The following NAALADL2 variants were observed in gnomAD, a reference collection of about 807,000 sequenced individuals.
NAALADL2 encodes the protein N-acetylated alpha-linked acidic dipeptidase like 2.
A neutral mutation model predicts 87.2 loss-of-function variants in NAALADL2; 76 were observed. That is an observed-to-expected ratio of 0.87 (90% CI 0.72 to 1.05). NAALADL2 has a LOEUF of 1.05. NAALADL2 is among the 50% of genes least tolerant of loss of function. The pLI is 0.00. For synonymous variants in NAALADL2, 354 were observed against 331.0 expected (o/e 1.07, Z -0.75); for missense variants, 1,089 against 945.8 (o/e 1.15, Z -1.99).
intron 9 of NAALADL2, among the ~76,000 whole-genome samples, chr3:175,480,317 G>A (rs1726269789): frequency 6.6e-6 from 1 of 151,668 alleles, no homozygotes; most frequent in African/African-American, 2.4e-5. Context: ...TTCTGAGACT[G>A]TATAACCACA....
At chr3:174,478,074 C>T (rs902513040) in intron 1 of NAALADL2, among the ~76,000 whole-genome samples, 19 of 152,104 alleles carry the variant, frequency 1.2e-4, no homozygotes, top group Non-Finnish European at 2.4e-4. Flanking sequence ...TATGGCTTAT[C>T]ATTTTCCATT....
intron 5 of NAALADL2, among the ~76,000 whole-genome samples, chr3:175,405,827 G>A (rs1226775388): frequency 3.9e-5 from 6 of 152,066 alleles, no homozygotes; most frequent in African/African-American, 1.4e-4. Flanking sequence ...AATTAACTTC[G>A]TTTTAATATT....
chr3:175,796,672 T>G lies in NAALADL2; in HGVS notation c.2190-6333T>G, dbSNP rs571760971. Among the ~76,000 whole-genome samples, 24 of 152,324 alleles carry G rather than the reference T, an allele frequency of 1.6e-4. 1 individual carries two copies. The South Asian group carries it at 4.8e-3, about 30-fold the overall frequency. On this transcript the variant is annotated intron_variant, in intron 13 of 13. Transcript: ENST00000454872. The stretch of plus-strand genomic sequence containing the variant: ...AGAAATAGCAACAATTGTATGAAAT[T>G]TAGCTGAACTTTTCTCTCTGCATTC...
chr3:175,254,701 C>A (rs1373463367), intron 3 of NAALADL2, among the ~76,000 whole-genome samples: 2 of 152,086 alleles, frequency 1.3e-5, no homozygotes, highest in Non-Finnish European at 2.9e-5. Flanking sequence ...CTCACTTTTG[C>A]AATGTAATCA....
rs971706914 is a variant in NAALADL2 at position 175,718,649 on chromosome 3, G to T, written c.1897-18657G>T. 124 of 1,583,850 alleles carry T rather than the reference G, an allele frequency of 7.8e-5. No homozygotes were observed. In the Middle Eastern group the frequency reaches 8.3e-4, roughly 11 times the overall value. On this transcript the variant is annotated intron_variant, in intron 11 of 13. Coordinates refer to ENST00000454872, the MANE Select transcript of NAALADL2 (RefSeq NM_207015.3). ...GAAATTGCGAGGGACTTTTACTCCC[G>T]AGCCCGTGGTGGCTGCCATCTTGCG...
At chr3:175,324,028 C>CAAAAAAAAAAAAAAAAAAAAAAAA (rs372517580) in intron 4 of NAALADL2, 147 bp from the exon 5 acceptor site, 18 of 436,786 alleles carry the variant, frequency 4.1e-5, no homozygotes, top group Admixed American at 5.2e-5. Flanking sequence ...AAAAAACAAA[C>CAAAAAAAAAAAAAAAAAAAAAAAA]AAAAAAAAAA....
Position 175,160,363 on chromosome 3 carries a change from T to TC in NAALADL2, c.545+63072_545+63073insC, listed in dbSNP as rs1386722954. ...ATTATATGTGTATCTTTTCTTTCTT[T>TC]TTTTTTTTTTTTTTTTTTTTTTTTT... is the stretch of plus-strand genomic sequence containing the variant. On this transcript the variant is annotated intron_variant, in intron 2 of 13. Transcript: ENST00000454872. Among the ~76,000 whole-genome samples the TC allele has an allele frequency of 6.9e-5, 8 of 116,150 alleles. No homozygotes were observed. The East Asian group carries it at 9.6e-4, about 14-fold the overall frequency. 76.2% of individuals were successfully genotyped at this position (116,150 alleles called of 152,430 possible). A position where few individuals can be genotyped will look rare whatever the true frequency, so the allele number is the denominator to read the frequency against.
At chr3:175,453,507 G>A (rs1721882594) in intron 6 of NAALADL2, among the ~76,000 whole-genome samples, 1 of 152,144 alleles carries the variant, frequency 6.6e-6, no homozygotes, top group South Asian at 2.1e-4. Flanking sequence ...GCTCTTTAGA[G>A]TTTCATTCAA....
At chr3:174,656,164 G>A (rs1306221194) in intron 2 of NAALADL2, among the ~76,000 whole-genome samples, 2 of 152,152 alleles carry the variant, frequency 1.3e-5, no homozygotes, top group Non-Finnish European at 2.9e-5. Context: ...GGCTACTGGA[G>A]GAAGAACTAC....
intron 2 of NAALADL2, among the ~76,000 whole-genome samples, chr3:174,645,452 T>C (rs1318256477): frequency 6.6e-6 from 1 of 152,098 alleles, no homozygotes; most frequent in Non-Finnish European, 1.5e-5. Context: ...TTGCTCAGAG[T>C]TGTATATTAA....
At chr3:175,534,366 GCAAGGAAAGCC>G (rs1348395619) in intron 9 of NAALADL2, among the ~76,000 whole-genome samples, 1 of 152,156 alleles carries the variant, frequency 6.6e-6, no homozygotes, top group Non-Finnish European at 1.5e-5. Context: ...AAGCTAAGGA[GCAAGGAAAGCC>G]CATCCTAACT....
At chr3:175,603,811 G>A (rs1723281998) in intron 10 of NAALADL2, among the ~76,000 whole-genome samples, 2 of 151,730 alleles carry the variant, frequency 1.3e-5, no homozygotes, top group African/African-American at 4.9e-5. Flanking sequence ...GGGTAACATG[G>A]CAAGACCCCA....
chr3:174,701,623 C>A (rs1560155472), intron 2 of NAALADL2, among the ~76,000 whole-genome samples: 1 of 152,026 alleles, frequency 6.6e-6, no homozygotes. Context: ...CCTTTCTAAT[C>A]CCAGGTTACT....
intron 1 of NAALADL2, among the ~76,000 whole-genome samples, chr3:175,037,743 T>G (rs1354771316): frequency 6.6e-6 from 1 of 152,106 alleles, no homozygotes; most frequent in Non-Finnish European, 1.5e-5. Context: ...TAGACTGCAT[T>G]CTGGTATACA....
intron 1 of NAALADL2, among the ~76,000 whole-genome samples, chr3:174,891,936 A>T (rs1730906940): frequency 6.6e-6 from 1 of 151,978 alleles, no homozygotes; most frequent in Non-Finnish European, 1.5e-5. Flanking sequence ...AGTAGGGAGG[A>T]CTTTGTCCTG....
At chr3:175,134,562 A>AT (rs1431410188) in intron 2 of NAALADL2, among the ~76,000 whole-genome samples, 6 of 152,128 alleles carry the variant, frequency 3.9e-5, no homozygotes, top group Non-Finnish European at 7.4e-5. Context: ...CCTAAATATT[A>AT]CTTTTTTCTC....
chr3:175,233,407 G>C (rs770780732), intron 2 of NAALADL2, among the ~76,000 whole-genome samples: 14 of 152,038 alleles, frequency 9.2e-5, no homozygotes, highest in Non-Finnish European at 1.6e-4. Context: ...ATGCCATAGT[G>C]CTGTATTAGT....
At chr3:175,203,550 T>C (rs1481922471) in intron 2 of NAALADL2, among the ~76,000 whole-genome samples, 2 of 152,166 alleles carry the variant, frequency 1.3e-5, no homozygotes, top group African/African-American at 4.8e-5. Context: ...TGAGTCTTCT[T>C]GGGATTACTG....
At chr3:175,224,828 C>T (rs1359417577) in intron 2 of NAALADL2, among the ~76,000 whole-genome samples, 2 of 152,126 alleles carry the variant, frequency 1.3e-5, no homozygotes, top group African/African-American at 2.4e-5. Context: ...CACGTTTTAT[C>T]TCTATTGTTT....
Sources: gnomAD v4.1 joint callset for allele counts (sites outside exome capture counted in the v4.1 genomes callset) on GRCh38, gnomAD v4.1.1 for gene constraint, MANE v1.5 for transcripts, NCBI Gene and HGNC (gene_info 2026-07-23, HGNC 2026-07-21) for gene names.